Variants in PCNX1 observed in about 807,000 individuals in gnomAD.
PCNX1 encodes the protein pecanex-like protein 1.
Under a neutral mutation model 242.2 loss-of-function variants are expected in PCNX1, and 78 were observed. The ratio of observed to expected loss-of-function variants is 0.32; its 90% CI spans 0.27 to 0.39. PCNX1 has a LOEUF of 0.39. Ranked by LOEUF, PCNX1 falls within the 10% of genes least tolerant of loss-of-function variation. The probability of loss-of-function intolerance (pLI) is 1.00; values close to 1 mark genes in which losing one functional copy is unlikely to be tolerated. For missense variants in PCNX1, 2,581 were observed against 2,856.5 expected (o/e 0.90, Z 2.20); for synonymous variants, 1,024 against 1,032.9 (o/e 0.99, Z 0.17).
At chr14:71,017,882 G>A (rs1252039206) in intron 11 of PCNX1, among the ~76,000 whole-genome samples, 1 of 152,138 alleles carries the variant, frequency 6.6e-6, no homozygotes, top group African/African-American at 2.4e-5. Flanking sequence ...GTACAAAGAT[G>A]TTTATGAATT....
At chr14:71,083,465 C>T (rs974710223) in intron 28 of PCNX1, among the ~76,000 whole-genome samples, 1 of 152,132 alleles carries the variant, frequency 6.6e-6, no homozygotes. Flanking sequence ...ATTCCATTCT[C>T]TGCATCACTT....
chr14:71,090,113 T>C (rs1417216566), intron 30 of PCNX1, among the ~76,000 whole-genome samples: 1 of 152,220 alleles, frequency 6.6e-6, no homozygotes. Flanking sequence ...CAAGTGCTGC[T>C]GTTACTGAAT....
chr14:71,010,327 C>G (rs562936070), intron 9 of PCNX1, among the ~76,000 whole-genome samples: 1 of 152,026 alleles, frequency 6.6e-6, no homozygotes, highest in Non-Finnish European at 1.5e-5. Flanking sequence ...TAAGTTCTTA[C>G]ATAACTAAGT....
intron 2 of PCNX1, among the ~76,000 whole-genome samples, chr14:70,948,847 G>T (rs1054075923): frequency 6.8e-6 from 1 of 147,092 alleles, no homozygotes; most frequent in African/African-American, 2.5e-5. Context: ...TAAAATGTAT[G>T]TGTGTATATA....
intron 4 of PCNX1, among the ~76,000 whole-genome samples, chr14:70,968,626 T>C (rs1335220222): frequency 2.6e-5 from 4 of 152,254 alleles, no homozygotes; most frequent in Non-Finnish European, 4.4e-5. Context: ...TTTTCTGCTA[T>C]TTGATCTATT....
At chr14:71,096,681 G>T (rs563047020) in intron 30 of PCNX1, among the ~76,000 whole-genome samples, 1 of 152,072 alleles carries the variant, frequency 6.6e-6, no homozygotes, top group Non-Finnish European at 1.5e-5. Flanking sequence ...AGGAGAGTTG[G>T]TGTATGATAT....
intron 3 of PCNX1, among the ~76,000 whole-genome samples, chr14:70,967,866 G>A (rs951831803): frequency 6.6e-6 from 1 of 152,100 alleles, no homozygotes; most frequent in Non-Finnish European, 1.5e-5. Context: ...TTTATAACAT[G>A]AACGTGTCAT....
chr14:70,969,964 T>C (rs1332341641), intron 5 of PCNX1: 1 of 151,290 alleles, frequency 6.6e-6, no homozygotes, highest in African/African-American at 2.4e-5. Flanking sequence ...AGAGCGAGAC[T>C]CTGTCACAAA....
intron 33 of PCNX1, among the ~76,000 whole-genome samples, chr14:71,106,314 A>G (rs1595520027): frequency 1.3e-5 from 2 of 152,326 alleles, no homozygotes; most frequent in Admixed American, 6.5e-5. Context: ...CACCACGCCC[A>G]GCTGAAAATA....
At chr14:71,018,938 CT>C in intron 11 of PCNX1, 70 bp from the exon 12 acceptor site, 1 of 1,297,360 alleles carries the variant, frequency 7.7e-7, no homozygotes. Context: ...TATGTCTTCC[CT>C]TCCCTTTTTT....
At chr14:70,952,276 T>G (rs2057813665) in intron 2 of PCNX1, among the ~76,000 whole-genome samples, 1 of 152,216 alleles carries the variant, frequency 6.6e-6, no homozygotes, top group South Asian at 2.1e-4. Context: ...TAAAAATTTT[T>G]TATTGTGAAA....
rs758164004 is a variant in PCNX1, at chr14:71,102,196, C to G, written c.5796C>G (p.Arg1932=). ...ATAAAATCATCATGCTCAACAGACGCTACCTGAGCTTCAGGGTCATTAAAG... is the reference window on the plus strand; with the variant it reads ...ATAAAATCATCATGCTCAACAGACGGTACCTGAGCTTCAGGGTCATTAAAG... The part of the protein sequence containing the change: ...NEYKIIMLNR[R]YLSFRVIKVN... Residue 1932 remains arginine (R), a synonymous_variant, in exon 31 of 36, where the codon CGC becomes CGG. Coordinates refer to ENST00000304743, the MANE Select transcript of PCNX1 (RefSeq NM_014982.3). 4.3e-6 allele frequency: 7 copies of G among 1,611,778 alleles called. No homozygotes were observed. The South Asian group carries it at 6.6e-5, about 15-fold the overall frequency.
At chr14:70,959,181 G>GGT (rs2058108319) in intron 2 of PCNX1, among the ~76,000 whole-genome samples, 1 of 149,916 alleles carries the variant, frequency 6.7e-6, no homozygotes, top group South Asian at 2.1e-4. Context: ...TGTGAAATTT[G>GGT]GTGTGTGGTT....
chr14:70,916,379 T>C (rs1566562851), intron 1 of PCNX1, among the ~76,000 whole-genome samples: 1 of 151,734 alleles, frequency 6.6e-6, no homozygotes, highest in Non-Finnish European at 1.5e-5. Flanking sequence ...CATTTAGAAA[T>C]CAGCAAAGGA....
At chr14:70,988,095 C>G (rs1466238248) in intron 6 of PCNX1, among the ~76,000 whole-genome samples, 2 of 152,196 alleles carry the variant, frequency 1.3e-5, no homozygotes, top group African/African-American at 4.8e-5. Flanking sequence ...AACTTACTGC[C>G]TTACTCCTTG....
intron 3 of PCNX1, among the ~76,000 whole-genome samples, chr14:70,962,782 C>T (rs2058262909): frequency 6.6e-6 from 1 of 152,216 alleles, no homozygotes; most frequent in South Asian, 2.1e-4. Context: ...TGTCTTTCTA[C>T]TATGTAACTT....
chr14:71,030,939 C>CT (rs965230809), intron 16 of PCNX1, among the ~76,000 whole-genome samples: 6 of 151,854 alleles, frequency 4.0e-5, no homozygotes, highest in Admixed American at 3.3e-4. Context: ...TCTGAGATTT[C>CT]TTTTTTTTAC....
chr14:70,985,266 G>C (rs146179663), intron 6 of PCNX1, among the ~76,000 whole-genome samples: 5,148 of 152,180 alleles, frequency 0.034, 118 homozygotes, highest in Non-Finnish European at 0.052. Context: ...CTAGGCTGGA[G>C]TGCAGTGGCA....
chr14:71,052,501 C>G (rs2061066565), intron 24 of PCNX1, among the ~76,000 whole-genome samples: 1 of 152,214 alleles, frequency 6.6e-6, no homozygotes, highest in South Asian at 2.1e-4. Context: ...GCATGAGCCA[C>G]TGTGCTCAGC....
Sources: allele counts gnomAD v4.1 joint callset (sites outside exome capture counted in the v4.1 genomes callset), GRCh38; gene constraint gnomAD v4.1.1; transcripts MANE v1.5; gene names NCBI Gene and HGNC (gene_info 2026-07-23, HGNC 2026-07-21).